The following BEND2 variants were observed in gnomAD, a reference collection of about 807,000 sequenced individuals.
BEND2 encodes BEN domain containing 2.
Under a neutral mutation model 43.8 loss-of-function variants are expected in BEND2, and 19 were observed. The observed-to-expected ratio is 0.43, with a 90% CI of 0.30 to 0.64. The LOEUF is 0.64. Ranked by LOEUF, BEND2 falls within the 30% of genes least tolerant of loss-of-function variation. The probability of loss-of-function intolerance (pLI) is 0.11; values close to 1 mark genes in which losing one functional copy is unlikely to be tolerated. For synonymous variants in BEND2, 226 were observed against 210.1 expected (o/e 1.08, Z -0.66); for missense variants, 544 against 574.0 (o/e 0.95, Z 0.53).
chrX:18,182,025 T>C (rs758668342), intron 8 of BEND2, among the ~76,000 whole-genome samples: 2 of 112,054 alleles, frequency 1.8e-5, no homozygotes, highest in Non-Finnish European at 3.8e-5. Context: ...CCCAACTATA[T>C]GCTCTTTATT....
chrX:18,198,115 G>A (rs1043192949), intron 6 of BEND2, among the ~76,000 whole-genome samples: 3 of 110,845 alleles, frequency 2.7e-5, no homozygotes, highest in Non-Finnish European at 5.7e-5. Context: ...GAAAACCTAG[G>A]CATTACCATT....
rs58814498 is a variant in BEND2, at chrX:18,214,810, C to CAAAAA, written c.239-904_239-900dup. On this transcript the variant is annotated intron_variant, in intron 2 of 13. Coordinates refer to ENST00000380033, the MANE Select transcript of BEND2 (RefSeq NM_153346.5). ...TGGGCGACAGAGAGAGACTCTGTCT[C>CAAAAA]AAAAAAAAAAAAAAAAAAAAAAAAA... Among the ~76,000 whole-genome samples the CAAAAA allele has an allele frequency of 7.9e-4, 28 of 35,437 alleles. 1 individual carries two copies. The highest frequency in any genetic ancestry group is 1.3e-3 in the East Asian group (1 of 745). 30.8% of individuals were successfully genotyped at this position (35,437 alleles called of 115,157 possible).
chrX:18,181,363 A>G (rs1924380763), intron 8 of BEND2, among the ~76,000 whole-genome samples: 1 of 111,410 alleles, frequency 9.0e-6, no homozygotes, highest in Non-Finnish European at 1.9e-5. Flanking sequence ...AAACCTTCAC[A>G]TGAGTATCCT....
chrX:18,198,061 G>A (rs903948636), intron 6 of BEND2, among the ~76,000 whole-genome samples: 6 of 111,500 alleles, frequency 5.4e-5, no homozygotes, highest in East Asian at 5.6e-4. Flanking sequence ...TCAAGATGGC[G>A]TAAAGACTTA....
intron 7 of BEND2, among the ~76,000 whole-genome samples, chrX:18,191,511 C>G (rs745334078): frequency 8.9e-6 from 1 of 112,194 alleles, no homozygotes; most frequent in Admixed American, 9.5e-5. Context: ...AGCAACAGCA[C>G]TCTTGGGCAG....
intron 8 of BEND2, among the ~76,000 whole-genome samples, chrX:18,186,959 C>T (rs1275986895): frequency 1.9e-5 from 2 of 104,182 alleles, no homozygotes; most frequent in African/African-American, 7.0e-5. Context: ...AGAGCAAGAC[C>T]CTGTCTGGAA....
chrX:18,190,013 G>A (rs1239197451), intron 8 of BEND2, among the ~76,000 whole-genome samples: 1 of 107,000 alleles, frequency 9.3e-6, no homozygotes, highest in Non-Finnish European at 1.9e-5. Flanking sequence ...TTGCACCACT[G>A]CACTCCAGCC....
chrX:18,171,563 C>T (rs1468417999), intron 12 of BEND2, among the ~76,000 whole-genome samples: 1 of 111,152 alleles, frequency 9.0e-6, no homozygotes, highest in Non-Finnish European at 1.9e-5. Context: ...AGGCTGGTCT[C>T]AAACTTCCAG....
intron 11 of BEND2, among the ~76,000 whole-genome samples, chrX:18,174,539 A>C (rs5909417): frequency 0.44 from 48,650 of 111,179 alleles, 7,960 homozygotes; most frequent in Middle Eastern, 0.51. Flanking sequence ...GCACATAATA[A>C]ACATTTCACA....
chrX:18,216,830 A>T, intron 1 of BEND2, 97 bp from the exon 2 acceptor site: 1 of 678,664 alleles, frequency 1.5e-6, no homozygotes, highest in Non-Finnish European at 2.2e-6. Flanking sequence ...TGTTTAAAAA[A>T]CATATTTTAG....
chrX:18,172,128 C>T (rs1261085281), intron 12 of BEND2, among the ~76,000 whole-genome samples: 1 of 110,358 alleles, frequency 9.1e-6, no homozygotes, highest in Non-Finnish European at 1.9e-5. Context: ...GTTAAATATA[C>T]TAGAAAAATA....
At chrX:18,176,136 T>A in intron 10 of BEND2, 43 bp from the exon 11 acceptor site, 1 of 1,147,116 alleles carries the variant, frequency 8.7e-7, no homozygotes, top group Non-Finnish European at 1.2e-6. Context: ...GAAAAAAAAA[T>A]TAACAAACTA....
At chrX:18,180,771 C>A in intron 8 of BEND2, 121 bp from the exon 9 acceptor site, 2 of 497,232 alleles carry the variant, frequency 4.0e-6, no homozygotes, top group Non-Finnish European at 6.4e-6. Flanking sequence ...AGCAGACCTA[C>A]TCTTTTTTTT....
In BEND2 at chrX:18,214,325, A is replaced by T. The variant is rs180960258; in HGVS notation, c.239-414T>A. Among the ~76,000 whole-genome samples the T allele has an allele frequency of 4.7e-3, 525 of 111,903 alleles. 2 individuals carry two copies. Among genetic ancestry groups the T allele is most frequent in the African/African-American group, 0.016 (504 of 30,774 alleles). ...GGTATAAAACTCAAAAACAGAAAAA[A>T]GTAATCTATGGTGGGAGAAGTCAGG... On this transcript the variant is annotated intron_variant, in intron 2 of 13. Coordinates refer to ENST00000380033, the MANE Select transcript of BEND2 (RefSeq NM_153346.5).
intron 6 of BEND2, among the ~76,000 whole-genome samples, chrX:18,198,484 C>A (rs1336195066): frequency 9.0e-6 from 1 of 111,561 alleles, no homozygotes; most frequent in Non-Finnish European, 1.9e-5. Context: ...CAGAGAAATG[C>A]AAATCAAAAC....
In BEND2 at chrX:18,177,638, T is replaced by C. The variant is rs1569117154; in HGVS notation, c.1561A>G (p.Ser521Gly). 5.8e-6 allele frequency: 7 copies of C among 1,211,480 alleles called. No homozygotes were observed. The East Asian group carries it at 2.1e-4, about 36-fold the overall frequency. The change falls in exon 10 of 14, where the codon AGC becomes GGC. Residue 521 changes from serine to glycine, a missense_variant. Transcript: ENST00000380033. ...RILFSKEILI[S>G]SSVDIHLKDS... ...TTCAAATGGATATCCACTGAGCTGC[T>C]AATCAGGATTTCCTTGGAGAACAAA...
At chrX:18,196,912 T>G (rs1315506042) in intron 6 of BEND2, among the ~76,000 whole-genome samples, 1 of 111,244 alleles carries the variant, frequency 9.0e-6, no homozygotes, top group Non-Finnish European at 1.9e-5. Flanking sequence ...GAATCAAACC[T>G]ATTCGTGGAA....
At chrX:18,213,606 A>G (rs1021412183) in intron 3 of BEND2, among the ~76,000 whole-genome samples, 168 bp downstream of exon 3, 3 of 111,680 alleles carry the variant, frequency 2.7e-5, no homozygotes, top group Non-Finnish European at 5.6e-5. Context: ...TTATATAGAA[A>G]TATCAAGTTA....
chrX:18,175,837 C>T (rs1392657846), intron 11 of BEND2, 135 bp downstream of exon 11: 1 of 504,353 alleles, frequency 2.0e-6, no homozygotes, highest in Non-Finnish European at 2.9e-6. Context: ...TTTGAAAGAA[C>T]ATCCCATGCC....
Sources: allele counts gnomAD v4.1 joint callset (sites outside exome capture counted in the v4.1 genomes callset), GRCh38; gene constraint gnomAD v4.1.1; transcripts MANE v1.5; gene names NCBI Gene and HGNC (gene_info 2026-07-23, HGNC 2026-07-21).